Variants in RAD51B observed in about 807,000 individuals in gnomAD.
The protein encoded by RAD51B is DNA repair protein RAD51 homolog 2.
RAD51B carries 38 observed loss-of-function variants against 42.2 expected under a neutral mutation model. The observed-to-expected ratio is 0.90, with a 90% CI of 0.70 to 1.18. RAD51B has a LOEUF of 1.18. RAD51B is among the 50% of genes most tolerant of loss of function. The pLI, the probability that RAD51B is intolerant of heterozygous loss-of-function variation, is 0.00. For synonymous variants in RAD51B, 154 were observed against 145.2 expected (o/e 1.06, Z -0.43); for missense variants, 373 against 400.7 (o/e 0.93, Z 0.59).
intron 11 of RAD51B, among the ~76,000 whole-genome samples, chr14:68,678,095 T>C (rs546168779): frequency 1.3e-5 from 2 of 152,342 alleles, no homozygotes; most frequent in East Asian, 3.9e-4. Flanking sequence ...ATAAGGAATA[T>C]GAGACTCAGA....
At chr14:68,147,417 A>G (rs1423637081) in intron 7 of RAD51B, among the ~76,000 whole-genome samples, 4 of 152,188 alleles carry the variant, frequency 2.6e-5, no homozygotes, top group Non-Finnish European at 5.9e-5. Context: ...ATTCTGCTTG[A>G]AATTCTGACA....
chr14:68,359,204 C>CT (rs1373244583), intron 8 of RAD51B, among the ~76,000 whole-genome samples: 1 of 152,066 alleles, frequency 6.6e-6, no homozygotes. Context: ...GCAAGCAGAC[C>CT]TGTCCGAGGG....
At chr14:68,523,393 T>C (rs765166086) in intron 10 of RAD51B, among the ~76,000 whole-genome samples, 1 of 152,180 alleles carries the variant, frequency 6.6e-6, no homozygotes, top group Non-Finnish European at 1.5e-5. Flanking sequence ...TTGGCCAAGA[T>C]CTGTTCGTGA....
chr14:68,541,683 G>A, intron 10 of RAD51B: 1 of 985,460 alleles, frequency 1.0e-6, no homozygotes, highest in Non-Finnish European at 1.2e-6. Flanking sequence ...TGGGCCTGAA[G>A]AAGCCATTCA....
At chr14:68,589,849 T>C (rs1018725343) in intron 10 of RAD51B, among the ~76,000 whole-genome samples, 6 of 152,058 alleles carry the variant, frequency 3.9e-5, no homozygotes, top group East Asian at 1.9e-4. Flanking sequence ...AAGGGCTTTT[T>C]CCCCCCCATT....
intron 9 of RAD51B, among the ~76,000 whole-genome samples, chr14:68,459,702 G>A (rs2140210592): frequency 6.6e-6 from 1 of 152,308 alleles, no homozygotes; most frequent in South Asian, 2.1e-4. Context: ...AGTCATATTG[G>A]GGAGCTATCT....
intron 7 of RAD51B, among the ~76,000 whole-genome samples, chr14:68,021,607 C>T (rs72725165): frequency 0.17 from 26,339 of 152,046 alleles, 2,464 homozygotes; most frequent in Middle Eastern, 0.35. Context: ...TGACATTTGT[C>T]CCCCAACTCC....
chr14:68,481,977 C>T (rs1471981783), downstream of RAD51B, among the ~76,000 whole-genome samples: 1 of 152,152 alleles, frequency 6.6e-6, no homozygotes, highest in Non-Finnish European at 1.5e-5. Flanking sequence ...GAGCAGAAGA[C>T]ATGCACAGGA....
chr14:68,669,247 A>G (rs888241873), intron 11 of RAD51B, among the ~76,000 whole-genome samples: 4 of 152,260 alleles, frequency 2.6e-5, no homozygotes, highest in African/African-American at 7.2e-5. Flanking sequence ...ATAAGCAAAG[A>G]AGAGAAGTCT....
chr14:68,042,777 G>T (rs918333727), intron 7 of RAD51B, among the ~76,000 whole-genome samples: 1 of 152,218 alleles, frequency 6.6e-6, no homozygotes. Flanking sequence ...TCAGCACTTT[G>T]TGCATGTTGA....
At chr14:68,517,253 A>AG (rs2140323674) in intron 10 of RAD51B, among the ~76,000 whole-genome samples, 1 of 151,866 alleles carries the variant, frequency 6.6e-6, no homozygotes, top group African/African-American at 2.4e-5. Flanking sequence ...GGGAAGGGGA[A>AG]GGGGAAGGGA....
chr14:68,085,734 A>C (rs1456972887), intron 7 of RAD51B, among the ~76,000 whole-genome samples: 3 of 152,146 alleles, frequency 2.0e-5, no homozygotes, highest in Non-Finnish European at 4.4e-5. Flanking sequence ...ACTTTCATGC[A>C]TTCTGGCTAC....
At chr14:68,657,781 C>A (rs149755505) in intron 11 of RAD51B, among the ~76,000 whole-genome samples, 8 of 152,316 alleles carry the variant, frequency 5.3e-5, no homozygotes, top group Admixed American at 4.6e-4. Context: ...CAGGCTTGGA[C>A]CTTCTGCTCT....
chr14:68,591,701 G>A (rs1890748752), intron 10 of RAD51B, among the ~76,000 whole-genome samples: 1 of 152,120 alleles, frequency 6.6e-6, no homozygotes, highest in Non-Finnish European at 1.5e-5. Flanking sequence ...ACAACCAGCT[G>A]CAACAAGGAT....
At chr14:68,604,671 A>C (rs1020959546) in intron 10 of RAD51B, among the ~76,000 whole-genome samples, 2 of 152,074 alleles carry the variant, frequency 1.3e-5, no homozygotes, top group Admixed American at 1.3e-4. Flanking sequence ...CCTCCCTCTA[A>C]GTCATCGAAG....
At chr14:68,493,214 A>C (rs888743262) in intron 10 of RAD51B, among the ~76,000 whole-genome samples, 3 of 152,208 alleles carry the variant, frequency 2.0e-5, no homozygotes, top group African/African-American at 7.2e-5. Flanking sequence ...GCTGCAGTTC[A>C]TCTTGAATCA....
chr14:68,615,165 A>T (rs1266964041), downstream of RAD51B, among the ~76,000 whole-genome samples: 2 of 151,976 alleles, frequency 1.3e-5, no homozygotes, highest in Non-Finnish European at 2.9e-5. Flanking sequence ...TTACTGGTTT[A>T]CTGATTTTTC....
intron 7 of RAD51B, among the ~76,000 whole-genome samples, chr14:68,142,021 A>AATTTC (rs2078139863): frequency 6.6e-6 from 1 of 152,178 alleles, no homozygotes; most frequent in African/African-American, 2.4e-5. Flanking sequence ...AGCATCCTTT[A>AATTTC]ATTTCCTTAT....
At chr14:68,387,426 A>C (rs1288453570) in intron 8 of RAD51B, among the ~76,000 whole-genome samples, 1 of 152,286 alleles carries the variant, frequency 6.6e-6, no homozygotes, top group East Asian at 1.9e-4. Flanking sequence ...AAAAACCTTC[A>C]GAATAAGATG....
Sources: allele counts gnomAD v4.1 joint callset (sites outside exome capture counted in the v4.1 genomes callset), GRCh38; gene constraint gnomAD v4.1.1; transcripts MANE v1.5; gene names NCBI Gene and HGNC (gene_info 2026-07-23, HGNC 2026-07-21).